FHIP2A: variants seen among roughly 807,000 people sequenced by gnomAD.
FHIP2A encodes FHF complex subunit HOOK interacting protein 2A, also known as family with sequence similarity 160 member B1.
In FHIP2A, 46 loss-of-function variants were observed where a neutral mutation model predicts 93.5. That is an observed-to-expected ratio of 0.49 (90% CI 0.39 to 0.63). The LOEUF (loss-of-function observed/expected upper bound fraction) is 0.63. Ranked by LOEUF, FHIP2A falls within the 20% of genes least tolerant of loss-of-function variation. The probability of loss-of-function intolerance (pLI) is 0.00; values close to 1 mark genes in which losing one functional copy is unlikely to be tolerated. For synonymous variants in FHIP2A, 332 were observed against 326.5 expected (o/e 1.02, Z -0.18); for missense variants, 769 against 909.7 (o/e 0.85, Z 1.99).
intron 16 of FHIP2A, among the ~76,000 whole-genome samples, chr10:114,893,508 A>G (rs953215780): frequency 6.6e-6 from 1 of 152,178 alleles, no homozygotes; most frequent in Non-Finnish European, 1.5e-5. Context: ...GAGTAACCAC[A>G]TTTCTAGAGT....
intron 1 of FHIP2A, among the ~76,000 whole-genome samples, chr10:114,829,741 G>C (rs11196937): frequency 0.41 from 62,139 of 152,012 alleles, 13,306 homozygotes; most frequent in Non-Finnish European, 0.48. Context: ...TGGTTCAAAG[G>C]CCTCTGACAA....
At chr10:114,838,501 A>AT (rs145736672) in intron 5 of FHIP2A, among the ~76,000 whole-genome samples, 26 of 150,284 alleles carry the variant, frequency 1.7e-4, no homozygotes, top group African/African-American at 3.9e-4. Flanking sequence ...TGATATTAGA[A>AT]TTTTTTTTTT....
chr10:114,830,340 T>C (rs1239902348), intron 1 of FHIP2A, among the ~76,000 whole-genome samples: 1 of 149,434 alleles, frequency 6.7e-6, no homozygotes, highest in Non-Finnish European at 1.5e-5. Flanking sequence ...TGGCGCAATC[T>C]TGGCTCACTG....
At chr10:114,822,932 A>C (rs1218001894) in intron 1 of FHIP2A, among the ~76,000 whole-genome samples, 1 of 152,244 alleles carries the variant, frequency 6.6e-6, no homozygotes, top group Non-Finnish European at 1.5e-5. Flanking sequence ...TAGTAGACTA[A>C]TAAGTGAAAA....
intron 16 of FHIP2A, among the ~76,000 whole-genome samples, chr10:114,875,473 T>C (rs1321616862): frequency 1.3e-5 from 2 of 151,918 alleles, no homozygotes; most frequent in Non-Finnish European, 2.9e-5. Flanking sequence ...GAAGGGTGGA[T>C]CACCTGAGGT....
chr10:114,848,783 A>G, intron 13 of FHIP2A, 46 bp downstream of exon 13: 3 of 1,210,152 alleles, frequency 2.5e-6, no homozygotes, highest in Non-Finnish European at 3.7e-6. Flanking sequence ...AAGAATAGAC[A>G]CATGCACACC....
intron 16 of FHIP2A, among the ~76,000 whole-genome samples, chr10:114,882,673 G>A (rs182669500): frequency 6.6e-6 from 1 of 152,224 alleles, no homozygotes; most frequent in Non-Finnish European, 1.5e-5. Context: ...AGGAGTTTGA[G>A]ACCAGCCTGG....
intron 16 of FHIP2A, among the ~76,000 whole-genome samples, chr10:114,880,334 C>T (rs2083910669): frequency 6.6e-6 from 1 of 152,180 alleles, no homozygotes; most frequent in African/African-American, 2.4e-5. Flanking sequence ...GAACCATACA[C>T]TTTAAATGGG....
intron 16 of FHIP2A, among the ~76,000 whole-genome samples, chr10:114,877,285 C>A (rs971012822): frequency 1.3e-5 from 2 of 152,084 alleles, no homozygotes; most frequent in Admixed American, 6.6e-5. Flanking sequence ...GGAACGGCGC[C>A]GCCCGAGGGT....
rs772597783 is a variant in FHIP2A, at chr10:114,855,263, T to G, written c.1870T>G (p.Cys624Gly). ...WPGSPKALEK[C>G]NLEAAFFEGH... ...TGGGTCTCCAAAAGCATTGGAAAAG[T>G]GCAATTTAGAAGCTGCTTTCTTTGA... Residue 624 changes from cysteine to glycine, a missense_variant, in exon 14 of 17, where the codon TGC becomes GGC. By Grantham distance (159) the Cys-to-Gly change is radical (BLOSUM62 -3). Coordinates refer to ENST00000369248, the MANE Select transcript of FHIP2A (RefSeq NM_020940.4). The G allele has an allele frequency of 6.2e-7, 1 of 1,614,110 alleles. No individual in the cohort carries two copies. Among genetic ancestry groups the G allele is most frequent in the Non-Finnish European group, 8.5e-7 (1 of 1,179,962 alleles).
intron 7 of FHIP2A, among the ~76,000 whole-genome samples, chr10:114,845,091 AT>A (rs1485415189): frequency 6.6e-6 from 1 of 151,990 alleles, no homozygotes; most frequent in Non-Finnish European, 1.5e-5. Flanking sequence ...TATTACAGGC[AT>A]GAGCCACCAC....
rs140235876 is a variant in FHIP2A, at chr10:114,846,123, A to G, written c.1205+34A>G. 384 of 1,612,522 alleles carry G rather than the reference A, an allele frequency of 2.4e-4. 3 individuals carry two copies. In the East Asian group the frequency reaches 5.1e-3, roughly 21 times the overall value. On this transcript the variant is annotated intron_variant, in intron 9 of 16. Transcript: ENST00000369248. ...CCTGTTTTCTTTTGAAAAAAACCGC[A>G]TCACTGTGTCATGTTATTTTTGCCC...
chr10:114,841,220 T>C (rs1250568929), intron 5 of FHIP2A, among the ~76,000 whole-genome samples: 1 of 151,848 alleles, frequency 6.6e-6, no homozygotes, highest in Non-Finnish European at 1.5e-5. Context: ...GAGACGCCTC[T>C]CCCAACAATA....
chr10:114,875,208 GA>G (rs2083878874), intron 16 of FHIP2A, among the ~76,000 whole-genome samples: 1 of 152,094 alleles, frequency 6.6e-6, no homozygotes, highest in African/African-American at 2.4e-5. Flanking sequence ...CTGTGCTGCG[GA>G]AGGACTGCTG....
At chr10:114,827,331 A>G (rs1331980700) in intron 1 of FHIP2A, among the ~76,000 whole-genome samples, 1 of 152,244 alleles carries the variant, frequency 6.6e-6, no homozygotes, top group African/African-American at 2.4e-5. Context: ...TATATATATT[A>G]TCAAATACTT....
chr10:114,858,791 T>C (rs2083781254), intron 14 of FHIP2A, among the ~76,000 whole-genome samples: 1 of 152,152 alleles, frequency 6.6e-6, no homozygotes, highest in East Asian at 1.9e-4. Context: ...AAATAAGTTC[T>C]AGTATTCAGT....
intron 13 of FHIP2A, among the ~76,000 whole-genome samples, chr10:114,853,629 T>C (rs1358678140): frequency 6.6e-6 from 1 of 152,240 alleles, no homozygotes; most frequent in Non-Finnish European, 1.5e-5. Flanking sequence ...GTTTCAGAAA[T>C]ATTAGAAAAA....
At chr10:114,830,270 CT>C (rs5788083) in intron 1 of FHIP2A, among the ~76,000 whole-genome samples, 33,553 of 104,952 alleles carry the variant, frequency 0.32, 3,016 homozygotes, top group Non-Finnish European at 0.36. Flanking sequence ...CTGAAACCTA[CT>C]TTTTTTTTTT....
downstream of FHIP2A, among the ~76,000 whole-genome samples, chr10:114,867,598 T>C (rs1241440501): frequency 6.6e-6 from 1 of 152,222 alleles, no homozygotes. Context: ...TATTGTCTCC[T>C]GGTTTGGGGC....
Sources: allele counts gnomAD v4.1 joint callset (sites outside exome capture counted in the v4.1 genomes callset), GRCh38; gene constraint gnomAD v4.1.1; transcripts MANE v1.5; gene names NCBI Gene and HGNC (gene_info 2026-07-23, HGNC 2026-07-21).